The following YES1 variants were observed in gnomAD, a reference collection of about 807,000 sequenced individuals.
YES1 encodes the protein YES proto-oncogene 1, Src family tyrosine kinase, also known as tyrosine-protein kinase Yes.
YES1 carries 39 observed loss-of-function variants against 70.4 expected under a neutral mutation model. The observed-to-expected ratio is 0.55, with a 90% CI of 0.43 to 0.72. The LOEUF is 0.72. YES1 is among the 30% of genes least tolerant of loss of function. YES1 has a pLI of 0.00. For missense variants in YES1, 495 were observed against 644.8 expected, an observed-to-expected ratio of 0.77 and a Z score of 2.52; for synonymous variants, 198 against 218.6, an observed-to-expected ratio of 0.91 and a Z score of 0.83.
intron 11 of YES1, among the ~76,000 whole-genome samples, chr18:731,375 T>C (rs1213114831): frequency 1.3e-5 from 2 of 152,066 alleles, no homozygotes; most frequent in Non-Finnish European, 2.9e-5. Flanking sequence ...AGTCATTAAA[T>C]GAGAATAACT....
rs1408812474 is a variant in YES1 at position 723,300 on chromosome 18, G to A, written c.*1124C>T. ...CTTCAAAGTCTCAGAATATAGCTAA[G>A]TGAGGAGCTCTGAGTGCCAGCAAAG... On this transcript the variant is annotated 3_prime_UTR_variant, in exon 12 of 12. Transcript: ENST00000314574. 3.3e-5 allele frequency: 5 copies of A among 152,634 alleles called. No homozygotes were observed. The highest frequency in any genetic ancestry group is 3.3e-4 in the Admixed American group (5 of 15,278). The allele number at this position is 152,634 out of a possible 1,614,324, so 9.5% of individuals were successfully genotyped here.
At chr18:753,562 C>A (rs1439888777) in intron 2 of YES1, among the ~76,000 whole-genome samples, 2 of 152,090 alleles carry the variant, frequency 1.3e-5, no homozygotes, top group African/African-American at 4.8e-5. Flanking sequence ...TCTGGGCTCA[C>A]CACAACCTCA....
At chr18:732,746 G>C (rs2080107346) in intron 11 of YES1, 88 bp downstream of exon 11, 1 of 1,539,600 alleles carries the variant, frequency 6.5e-7, no homozygotes, top group Admixed American at 1.7e-5. Flanking sequence ...AGAAATAAAG[G>C]CCTTTTCCCC....
chr18:797,765 G>A lies in YES1; in HGVS notation c.-9+14349C>T, dbSNP rs568148089. On this transcript the variant is annotated intron_variant, in intron 1 of 11. Transcript: ENST00000314574. The stretch of plus-strand genomic sequence containing the variant: ...GCATTTATTAACGTTCACCTTTTAA[G>A]ACATCATCTAATCATTCTTCTAAGA... Among the ~76,000 whole-genome samples the A allele has an allele frequency of 3.5e-4, 53 of 152,218 alleles. No individual in the cohort carries two copies. The South Asian group carries it at 6.4e-3, about 18-fold the overall frequency.
intron 1 of YES1, among the ~76,000 whole-genome samples, chr18:781,171 A>T (rs1037545350): frequency 6.6e-6 from 1 of 151,178 alleles, no homozygotes; most frequent in Non-Finnish European, 1.5e-5. Flanking sequence ...CAGGAGGCTG[A>T]GGCAGAAGAA....
chr18:743,186 A>AT, intron 7 of YES1, 74 bp downstream of exon 7: 1 of 1,558,380 alleles, frequency 6.4e-7, no homozygotes, highest in East Asian at 2.3e-5. Context: ...ATATTGAAAC[A>AT]TATTTTATCA....
intron 11 of YES1, among the ~76,000 whole-genome samples, chr18:729,619 C>CTTTTTT (rs869223956): frequency 1.2e-4 from 9 of 75,432 alleles, no homozygotes; most frequent in South Asian, 5.9e-4. Flanking sequence ...TGATTTTGAA[C>CTTTTTT]TTTTTTTTTT....
chr18:766,726 C>T (rs1598919536), intron 1 of YES1, among the ~76,000 whole-genome samples: 2 of 152,146 alleles, frequency 1.3e-5, no homozygotes, highest in South Asian at 2.1e-4. Flanking sequence ...ACTTTGGTGA[C>T]GTGACTGTTC....
At chr18:804,171 T>A (rs1300253635) in intron 1 of YES1, among the ~76,000 whole-genome samples, 2 of 152,206 alleles carry the variant, frequency 1.3e-5, no homozygotes. Context: ...ATTAAAAAAA[T>A]TAAATGTAAA....
At chr18:737,843 G>C (rs1306393614) in intron 9 of YES1, among the ~76,000 whole-genome samples, 1 of 152,162 alleles carries the variant, frequency 6.6e-6, no homozygotes, top group African/African-American at 2.4e-5. Flanking sequence ...CCTCAGCCTA[G>C]TGAGTAGCTG....
intron 8 of YES1, among the ~76,000 whole-genome samples, chr18:742,526 G>A (rs961645638): frequency 8.0e-5 from 12 of 150,768 alleles, no homozygotes; most frequent in Admixed American, 5.3e-4. Context: ...TAGGAATTAT[G>A]TTTATATTAA....
At chr18:730,756 G>A (rs2080078545) in intron 11 of YES1, among the ~76,000 whole-genome samples, 1 of 152,158 alleles carries the variant, frequency 6.6e-6, no homozygotes, top group Non-Finnish European at 1.5e-5. Context: ...GTTGTTTACA[G>A]TGCTATAATA....
intron 11 of YES1, among the ~76,000 whole-genome samples, chr18:732,435 T>TAAAAAA (rs11460599): frequency 5.5e-5 from 5 of 90,484 alleles, no homozygotes; most frequent in Non-Finnish European, 6.1e-5. Context: ...AGACTGTGTT[T>TAAAAAA]AAAAAAAAAA....
intron 1 of YES1, among the ~76,000 whole-genome samples, chr18:790,012 T>A (rs1339075269): frequency 6.6e-6 from 1 of 151,328 alleles, no homozygotes; most frequent in Non-Finnish European, 1.5e-5. Flanking sequence ...GAGCTGAGAT[T>A]GTGCCATTGC....
At chr18:783,478 T>C (rs1199896555) in intron 1 of YES1, among the ~76,000 whole-genome samples, 3 of 151,990 alleles carry the variant, frequency 2.0e-5, no homozygotes, top group Non-Finnish European at 4.4e-5. Context: ...TATAACAAAA[T>C]TGAATCTGAA....
In YES1 at chr18:795,946, T is replaced by C. The variant is rs565047349; in HGVS notation, c.-9+16168A>G. Among the ~76,000 whole-genome samples, 371 of 113,566 alleles carry C rather than the reference T, an allele frequency of 3.3e-3. 2 individuals carry two copies. The highest frequency in any genetic ancestry group is 0.011 in the African/African-American group (264 of 24,910). The allele number at this position is 113,566 out of a possible 152,430, so 74.5% of individuals were successfully genotyped here. ...ACACACACACACACACACACACACA[T>C]AAGACCTATGAGTAAGTAAAACAAA... On this transcript the variant is annotated intron_variant, in intron 1 of 11. Transcript: ENST00000314574.
chr18:745,651 T>C (rs1370103819), intron 6 of YES1, 57 bp downstream of exon 6: 13 of 1,481,618 alleles, frequency 8.8e-6, no homozygotes, highest in Middle Eastern at 1.9e-4. Context: ...ATATGGATTT[T>C]GTCCTCATAA....
chr18:794,330 A>G (rs1906426063), intron 1 of YES1, among the ~76,000 whole-genome samples: 1 of 152,216 alleles, frequency 6.6e-6, no homozygotes, highest in Non-Finnish European at 1.5e-5. Context: ...ACTATACAAA[A>G]CCAGTAGTCT....
intron 4 of YES1, 123 bp downstream of exon 4, chr18:747,797 G>A: frequency 1.3e-6 from 1 of 757,290 alleles, no homozygotes; most frequent in East Asian, 2.7e-5. Flanking sequence ...CTATTAATAT[G>A]ATACATAAGC....
Sources: allele counts gnomAD v4.1 joint callset (sites outside exome capture counted in the v4.1 genomes callset), GRCh38; gene constraint gnomAD v4.1.1; transcripts MANE v1.5; gene names NCBI Gene and HGNC (gene_info 2026-07-23, HGNC 2026-07-21).